THUMPD2: variants seen among roughly 807,000 people sequenced by gnomAD.
THUMPD2 encodes the protein U6 snRNA (guanine-N(2))-methyltransferase THUMPD2.
A neutral mutation model predicts 49.4 loss-of-function variants in THUMPD2; 56 were observed. The ratio of observed to expected loss-of-function variants is 1.13; its 90% CI spans 0.91 to 1.41. THUMPD2 has a LOEUF of 1.41. Among genes scored for constraint, THUMPD2 ranks in the 40% most tolerant of loss-of-function variants. THUMPD2 has a pLI of 0.00. For missense variants in THUMPD2, 709 were observed against 594.5 expected (o/e 1.19, Z -2.00); for synonymous variants, 237 against 205.2 (o/e 1.15, Z -1.32).
In THUMPD2 at chr2:39,756,619, C is replaced by T. The variant is rs541007817; in HGVS notation, c.892-659G>A. On this transcript the variant is annotated intron_variant, in intron 6 of 9. Coordinates refer to ENST00000505747, the MANE Select transcript of THUMPD2 (RefSeq NM_025264.5). ...CCCCGTGGGGTTAAAGATTTGTGTTCGGGTAGCAGAGGAAGTGAACAGGAA... is the reference window on the plus strand; with the variant it reads ...CCCCGTGGGGTTAAAGATTTGTGTTTGGGTAGCAGAGGAAGTGAACAGGAA... Among the ~76,000 whole-genome samples the T allele has an allele frequency of 1.1e-4, 17 of 152,022 alleles. No homozygotes were observed. In the East Asian group the frequency reaches 2.5e-3, roughly 23 times the overall value.
At chr2:39,769,679 C>T (rs779163390) in intron 3 of THUMPD2, 31 bp downstream of exon 3, 57 of 1,471,622 alleles carry the variant, frequency 3.9e-5, no homozygotes, top group East Asian at 1.8e-4. Flanking sequence ...CCAGCCTGGG[C>T]GACAGACTCC....
Position 39,761,225 on chromosome 2 carries a change from CAAGAA to C in THUMPD2, c.891+101_891+105del, listed in dbSNP as rs1198736459. The C allele has an allele frequency of 2.5e-5, 25 of 996,292 alleles. No homozygotes were observed. The African/African-American group carries it at 3.2e-4, about 13-fold the overall frequency. The allele number at this position is 996,292 out of a possible 1,614,324, so 61.7% of individuals were successfully genotyped here. A position where few individuals can be genotyped will look rare whatever the true frequency, so the allele number is the denominator to read the frequency against. ...AGAAAAGAAGTTAAAGAAAAAGCGT[CAAGAA>C]AAGAAAAAGCAAGTAACATAAATAT... On this transcript the variant is annotated intron_variant, in intron 6 of 9. Coordinates refer to ENST00000505747, the MANE Select transcript of THUMPD2 (RefSeq NM_025264.5).
intron 8 of THUMPD2, among the ~76,000 whole-genome samples, chr2:39,749,179 C>T (rs1675046511): frequency 6.6e-6 from 1 of 152,062 alleles, no homozygotes; most frequent in Admixed American, 6.5e-5. Flanking sequence ...TGCATAAGCA[C>T]ACAGATTGGC....
At chr2:39,772,773 C>A (rs1377936998) in intron 1 of THUMPD2, among the ~76,000 whole-genome samples, 1 of 152,168 alleles carries the variant, frequency 6.6e-6, no homozygotes, top group Non-Finnish European at 1.5e-5. Context: ...TCCTAGAACA[C>A]AGACACCAGG....
rs1031869253 is a variant in THUMPD2, at chr2:39,737,050, A to G, written c.1197T>C (p.His399=). The G allele has an allele frequency of 5.6e-5, 89 of 1,602,806 alleles. No homozygotes were observed. Among genetic ancestry groups the G allele is most frequent in the Non-Finnish European group, 7.3e-5 (86 of 1,172,490 alleles). ...SILQEMERVL[H]VGGTIVLLLS... Reference sequence around the variant, plus strand: ...GCAACAATACAATGGTTCCGCCAACATGAAGCACTCTGTGACAAAAAAAAA... The same window carrying G: ...GCAACAATACAATGGTTCCGCCAACGTGAAGCACTCTGTGACAAAAAAAAA... Residue 399 remains histidine, a synonymous_variant, in exon 10 of 10, where the codon CAT becomes CAC. Coordinates refer to ENST00000505747, the MANE Select transcript of THUMPD2 (RefSeq NM_025264.5).
chr2:39,768,439 C>A lies in THUMPD2; in HGVS notation c.735G>T (p.Arg245Ser), dbSNP rs374603777. ...MKHFGWKADL[R>S]NPQLEIFIHL... ...TACTCATTACCTCTAATTGTGGATT[C>A]CTCAAGTCTGCTTTCCATCCAAAGT... is the stretch of plus-strand genomic sequence containing the variant. The change falls in exon 4 of 10, where the codon AGG (arginine) becomes AGT (serine). Residue 245 changes from arginine (R) to serine (S), a missense_variant. Coordinates refer to ENST00000505747, the MANE Select transcript of THUMPD2 (RefSeq NM_025264.5). 41 of 1,612,316 alleles carry A rather than the reference C, an allele frequency of 2.5e-5. 1 individual carries two copies. Among genetic ancestry groups the A allele is most frequent in the Non-Finnish European group, 3.2e-5 (38 of 1,179,320 alleles).
intron 6 of THUMPD2, among the ~76,000 whole-genome samples, chr2:39,759,750 C>A (rs1261797941): frequency 6.6e-6 from 1 of 152,200 alleles, no homozygotes; most frequent in Non-Finnish European, 1.5e-5. Context: ...GACAATGGAA[C>A]AGCATCTACA....
At chr2:39,750,189 G>A (rs1371229904) in intron 8 of THUMPD2, among the ~76,000 whole-genome samples, 1 of 152,170 alleles carries the variant, frequency 6.6e-6, no homozygotes, top group East Asian at 1.9e-4. Context: ...TCTTCCCAAC[G>A]GTTGAAGTCA....
intron 1 of THUMPD2, among the ~76,000 whole-genome samples, chr2:39,774,871 C>T (rs563796298): frequency 2.0e-5 from 3 of 152,128 alleles, no homozygotes; most frequent in East Asian, 3.9e-4. Context: ...ATAACACTCC[C>T]GAAGATGAAG....
At chr2:39,758,360 C>G (rs1676398233) in intron 6 of THUMPD2, among the ~76,000 whole-genome samples, 1 of 152,194 alleles carries the variant, frequency 6.6e-6, no homozygotes, top group African/African-American at 2.4e-5. Flanking sequence ...CCACTCTCAA[C>G]TCTAAGCTTT....
intron 7 of THUMPD2, 132 bp downstream of exon 7, chr2:39,755,757 T>TTA: frequency 2.4e-6 from 1 of 422,926 alleles, no homozygotes; most frequent in Non-Finnish European, 3.6e-6. Context: ...TCATCTATTT[T>TTA]GAGTAAATAA....
rs374162215 is a variant in THUMPD2 at position 39,766,049 on chromosome 2, A to G, written c.803+8T>C. 13 of 1,573,750 alleles carry G rather than the reference A, an allele frequency of 8.3e-6. No individual in the cohort carries two copies. Among genetic ancestry groups the G allele is most frequent in the African/African-American group, 4.1e-5 (3 of 72,290 alleles). ...TTATGGGACAAACCGGAAGCTTAGA[A>G]TATCTACCTGAACACAGGAATCCCC... On this transcript the variant is annotated splice_region_variant and intron_variant, in intron 5 of 9. Coordinates refer to ENST00000505747, the MANE Select transcript of THUMPD2 (RefSeq NM_025264.5).
intron 2 of THUMPD2, among the ~76,000 whole-genome samples, chr2:39,770,664 T>C (rs999420065): frequency 1.3e-5 from 2 of 152,078 alleles, no homozygotes; most frequent in African/African-American, 2.4e-5. Context: ...AAGTTTAATC[T>C]CTTCTTGATG....
chr2:39,755,536 AT>A (rs1369057029), intron 7 of THUMPD2, 127 bp from the exon 8 acceptor site: 1 of 625,462 alleles, frequency 1.6e-6, no homozygotes, highest in Non-Finnish European at 2.7e-6. Context: ...GTCAAAACAC[AT>A]TTAGGGTATT....
At chr2:39,771,412 A>G (rs1301603142) in intron 2 of THUMPD2, 93 bp downstream of exon 2, 2 of 1,263,862 alleles carry the variant, frequency 1.6e-6, no homozygotes, top group Non-Finnish European at 2.2e-6. Context: ...AATGAATATT[A>G]AAGTGTAAAA....
In THUMPD2 at chr2:39,770,046, C is replaced by G. The variant is rs112767581; in HGVS notation, c.336G>C (p.Trp112Cys). Residue 112 changes from tryptophan to cysteine, a missense_variant, in exon 3 of 10, where the codon TGG (tryptophan) becomes TGC (cysteine). Transcript: ENST00000505747. ...PGSWLNAISI[W>C]KNLLELDAKK... ...TTGCATCAAGTTCAAGAAGATTTTT[C>G]CAAATTGAAATGGCATTCAACCAAC... The G allele has an allele frequency of 2.5e-6, 4 of 1,569,624 alleles. No individual in the cohort carries two copies. Among genetic ancestry groups the G allele is most frequent in the South Asian group, 1.2e-5 (1 of 81,756 alleles).
chr2:39,768,357 A>G, intron 4 of THUMPD2, 67 bp downstream of exon 4: 1 of 1,294,034 alleles, frequency 7.7e-7, no homozygotes, highest in South Asian at 1.3e-5. Flanking sequence ...AAGTATGATA[A>G]GAATACAGGA....
intron 1 of THUMPD2, among the ~76,000 whole-genome samples, chr2:39,775,760 C>CAAA (rs774580208): frequency 1.7e-4 from 11 of 63,346 alleles, no homozygotes; most frequent in East Asian, 8.6e-4. Context: ...AACACTATGT[C>CAAA]AAAAAAAAAA....
intron 3 of THUMPD2, chr2:39,769,040 A>C: frequency 7.7e-7 from 1 of 1,304,692 alleles, no homozygotes; most frequent in Non-Finnish European, 1.0e-6. Context: ...TACATTGCTG[A>C]GACCTCATGT....
Sources: allele counts gnomAD v4.1 joint callset (sites outside exome capture counted in the v4.1 genomes callset), GRCh38; gene constraint gnomAD v4.1.1; transcripts MANE v1.5; gene names NCBI Gene and HGNC (gene_info 2026-07-23, HGNC 2026-07-21).